Variants in STXBP5L observed in about 807,000 individuals in gnomAD.
STXBP5L encodes syntaxin-binding protein 5-like.
STXBP5L carries 65 observed loss-of-function variants against 144.5 expected under a neutral mutation model. The observed-to-expected ratio is 0.45, with a 90% CI of 0.37 to 0.55. The LOEUF (loss-of-function observed/expected upper bound fraction) is 0.55. Ranked by LOEUF, STXBP5L falls within the 20% of genes least tolerant of loss-of-function variation. STXBP5L has a pLI of 0.00. For synonymous variants in STXBP5L, 505 were observed against 469.6 expected, an observed-to-expected ratio of 1.08 and a Z score of -0.97; for missense variants, 1,298 against 1,405.5, an observed-to-expected ratio of 0.92 and a Z score of 1.22.
intron 5 of STXBP5L, among the ~76,000 whole-genome samples, chr3:121,107,211 T>C (rs999408681): frequency 6.6e-6 from 1 of 152,056 alleles, no homozygotes; most frequent in Non-Finnish European, 1.5e-5. Flanking sequence ...CAGAAGCTCT[T>C]TAGCTTAATT....
intron 20 of STXBP5L, among the ~76,000 whole-genome samples, chr3:121,333,801 A>ACAC (rs1287545246): frequency 6.6e-6 from 1 of 152,176 alleles, no homozygotes; most frequent in African/African-American, 2.4e-5. Flanking sequence ...CTGGACACAG[A>ACAC]CACCCTCCCA....
Position 121,179,855 on chromosome 3 carries a change from G to A in STXBP5L, c.877+22228G>A, listed in dbSNP as rs112854203. Reference sequence around the variant, plus strand: ...AAAGAACTTCAGAGCTTGAAGACAAGGCTTTCGAATTAACCCAATCAGACA... The same window carrying A: ...AAAGAACTTCAGAGCTTGAAGACAAAGCTTTCGAATTAACCCAATCAGACA... On this transcript the variant is annotated intron_variant, in intron 9 of 26. Transcript: ENST00000471454. 2.4e-3 allele frequency among the ~76,000 whole-genome samples: 370 copies of A among 152,114 alleles called. 1 individual carries two copies. The highest frequency in any genetic ancestry group is 4.4e-3 in the Non-Finnish European group (298 of 67,996).
intron 3 of STXBP5L, among the ~76,000 whole-genome samples, chr3:120,989,032 A>G (rs1046295677): frequency 3.3e-5 from 5 of 152,174 alleles, no homozygotes; most frequent in African/African-American, 9.6e-5. Context: ...TCCATGGAAT[A>G]TATATACACC....
At chr3:120,935,976 C>A (rs1710245473) in intron 2 of STXBP5L, among the ~76,000 whole-genome samples, 1 of 152,142 alleles carries the variant, frequency 6.6e-6, no homozygotes, top group Non-Finnish European at 1.5e-5. Context: ...TTCTCTTGAC[C>A]TTTCTGATAT....
chr3:121,196,835 TATTG>T (rs34277105), intron 9 of STXBP5L, among the ~76,000 whole-genome samples: 3,227 of 148,700 alleles, frequency 0.022, 40 homozygotes, highest in Middle Eastern at 0.069. Context: ...ATGCCCAGAT[TATTG>T]ATTGATTGAT....
intron 5 of STXBP5L, among the ~76,000 whole-genome samples, chr3:121,071,970 T>C (rs2041829359): frequency 6.6e-6 from 1 of 152,234 alleles, no homozygotes; most frequent in Admixed American, 6.5e-5. Context: ...GGCAAAACTT[T>C]AACAGCTGTT....
chr3:121,105,238 A>T (rs553746542), intron 5 of STXBP5L, among the ~76,000 whole-genome samples: 1 of 152,132 alleles, frequency 6.6e-6, no homozygotes, highest in South Asian at 2.1e-4. Flanking sequence ...TCTACTAAAA[A>T]TACAAAAATT....
intron 3 of STXBP5L, among the ~76,000 whole-genome samples, chr3:121,036,892 C>G (rs976330045): frequency 1.3e-5 from 2 of 150,776 alleles, no homozygotes; most frequent in African/African-American, 4.9e-5. Context: ...GCATAAATCC[C>G]ACTGGTTATA....
At chr3:121,014,989 A>G (rs1025814592) in intron 3 of STXBP5L, among the ~76,000 whole-genome samples, 1 of 152,120 alleles carries the variant, frequency 6.6e-6, no homozygotes, top group South Asian at 2.1e-4. Flanking sequence ...TGAAAATTAT[A>G]AAACACAGCA....
At chr3:121,280,684 C>A (rs1239820467) in intron 19 of STXBP5L, among the ~76,000 whole-genome samples, 1 of 151,748 alleles carries the variant, frequency 6.6e-6, no homozygotes, top group African/African-American at 2.4e-5. Flanking sequence ...TATTTTCTGT[C>A]CATTGACAGT....
intron 25 of STXBP5L, among the ~76,000 whole-genome samples, chr3:121,417,940 T>C (rs1029595501): frequency 2.0e-5 from 3 of 152,172 alleles, no homozygotes; most frequent in African/African-American, 7.2e-5. Context: ...CAAAGGCTTA[T>C]ACATGAAGGT....
chr3:121,128,715 G>A (rs2044831818), intron 7 of STXBP5L, among the ~76,000 whole-genome samples: 2 of 152,174 alleles, frequency 1.3e-5, no homozygotes, highest in South Asian at 4.1e-4. Context: ...GTTTATAGGA[G>A]CAAAATAAGG....
chr3:121,108,031 T>C (rs1329933576), intron 5 of STXBP5L, among the ~76,000 whole-genome samples: 1 of 152,156 alleles, frequency 6.6e-6, no homozygotes, highest in Non-Finnish European at 1.5e-5. Context: ...TGTTGGTATA[T>C]AGGAATGGTT....
chr3:121,244,950 A>G (rs937901979), intron 14 of STXBP5L, among the ~76,000 whole-genome samples: 2 of 152,152 alleles, frequency 1.3e-5, no homozygotes, highest in African/African-American at 2.4e-5. Context: ...TTCAGTTGAA[A>G]CAAACACACT....
chr3:121,329,800 C>T (rs1016312969), intron 20 of STXBP5L, among the ~76,000 whole-genome samples: 1 of 152,120 alleles, frequency 6.6e-6, no homozygotes, highest in Non-Finnish European at 1.5e-5. Flanking sequence ...GAGGAGGATG[C>T]AGTGAGCCGA....
chr3:121,077,538 C>T (rs919717373), intron 5 of STXBP5L, among the ~76,000 whole-genome samples: 1 of 152,044 alleles, frequency 6.6e-6, no homozygotes, highest in Non-Finnish European at 1.5e-5. Flanking sequence ...AAGATTATTG[C>T]AAAGAGCCAA....
At chr3:121,095,948 G>A (rs1185714438) in intron 5 of STXBP5L, among the ~76,000 whole-genome samples, 5 of 152,062 alleles carry the variant, frequency 3.3e-5, no homozygotes, top group African/African-American at 9.7e-5. Flanking sequence ...TGATGGTGAC[G>A]TACAGATGGG....
intron 10 of STXBP5L, among the ~76,000 whole-genome samples, chr3:121,214,391 G>T (rs2108266420): frequency 6.6e-6 from 1 of 152,270 alleles, no homozygotes; most frequent in Admixed American, 6.5e-5. Context: ...GTGTCCCAGA[G>T]ATTCTGGTAC....
chr3:121,216,672 C>G (rs2048787836), intron 10 of STXBP5L, among the ~76,000 whole-genome samples: 1 of 152,204 alleles, frequency 6.6e-6, no homozygotes. Flanking sequence ...CAAGGGCCCA[C>G]TTGAAGAGGC....
Sources: gnomAD v4.1 joint callset for allele counts (sites outside exome capture counted in the v4.1 genomes callset) on GRCh38, gnomAD v4.1.1 for gene constraint, MANE v1.5 for transcripts, NCBI Gene and HGNC (gene_info 2026-07-23, HGNC 2026-07-21) for gene names.